Variants in BMPR1A observed in about 807,000 individuals in gnomAD.
The protein encoded by BMPR1A is bone morphogenetic protein receptor type-1A.
Under a neutral mutation model 66.0 loss-of-function variants are expected in BMPR1A, and 7 were observed. The ratio of observed to expected loss-of-function variants is 0.11; its 90% CI spans 0.06 to 0.20. The LOEUF is 0.20. Ranked by LOEUF, BMPR1A falls within the 10% of genes least tolerant of loss-of-function variation. The pLI is 1.00. For missense variants in BMPR1A, 408 were observed against 669.1 expected (o/e 0.61, Z 4.31); for synonymous variants, 200 against 229.7 (o/e 0.87, Z 1.17).
chr10:86,836,916 G>T (rs1842356676), intron 1 of BMPR1A, among the ~76,000 whole-genome samples: 1 of 152,156 alleles, frequency 6.6e-6, no homozygotes, highest in South Asian at 2.1e-4. Context: ...CTGGGTAATG[G>T]AGCCAGAGCC....
intron 1 of BMPR1A, among the ~76,000 whole-genome samples, chr10:86,832,929 G>A (rs1289802061): frequency 6.6e-6 from 1 of 152,100 alleles, no homozygotes; most frequent in Non-Finnish European, 1.5e-5. Flanking sequence ...GGAAATTTTG[G>A]ATCCTGTGAT....
At chr10:86,869,185 G>C (rs965851963) in intron 2 of BMPR1A, among the ~76,000 whole-genome samples, 4 of 152,118 alleles carry the variant, frequency 2.6e-5, no homozygotes, top group African/African-American at 9.7e-5. Flanking sequence ...GGCCAGGCAC[G>C]GTGGCTCACA....
At chr10:86,841,827 C>T (rs1842428319) in intron 2 of BMPR1A, among the ~76,000 whole-genome samples, 1 of 152,094 alleles carries the variant, frequency 6.6e-6, no homozygotes, top group Non-Finnish European at 1.5e-5. Context: ...AGTTGATCAC[C>T]AGTGACCCGT....
At chr10:86,889,348 T>G (rs1162125592) in intron 3 of BMPR1A, among the ~76,000 whole-genome samples, 1 of 152,222 alleles carries the variant, frequency 6.6e-6, no homozygotes, top group African/African-American at 2.4e-5. Flanking sequence ...TTGGTCCCCA[T>G]GCTCTCATGA....
chr10:86,865,641 CAAAAAGAA>C (rs1218519964), intron 2 of BMPR1A, among the ~76,000 whole-genome samples: 1 of 152,070 alleles, frequency 6.6e-6, no homozygotes, highest in Non-Finnish European at 1.5e-5. Flanking sequence ...ATTGAGTTGA[CAAAAAGAA>C]ATTATCTTCC....
At chr10:86,772,410 G>A (rs1379491898) in intron 1 of BMPR1A, among the ~76,000 whole-genome samples, 3 of 152,106 alleles carry the variant, frequency 2.0e-5, no homozygotes. Flanking sequence ...GATTACAGGC[G>A]TGAGCCACCG....
intron 1 of BMPR1A, among the ~76,000 whole-genome samples, chr10:86,770,329 C>T (rs1020577214): frequency 2.0e-5 from 3 of 152,116 alleles, no homozygotes; most frequent in African/African-American, 7.2e-5. Context: ...GGAGGACTGC[C>T]TGAGCCCAGA....
chr10:86,854,495 G>A (rs1203277529), intron 2 of BMPR1A, among the ~76,000 whole-genome samples: 1 of 152,192 alleles, frequency 6.6e-6, no homozygotes, highest in Admixed American at 6.5e-5. Context: ...ACAGGCATAA[G>A]AAATTACAAA....
intron 6 of BMPR1A, 55 bp from the exon 7 acceptor site, chr10:86,899,972 C>A: frequency 2.5e-6 from 4 of 1,609,992 alleles, no homozygotes; most frequent in Non-Finnish European, 2.6e-6. Context: ...TAGAATTGAA[C>A]ACGTCAGATT....
At chr10:86,901,385 A>G (rs1180507488) in intron 7 of BMPR1A, among the ~76,000 whole-genome samples, 1 of 152,234 alleles carries the variant, frequency 6.6e-6, no homozygotes, top group African/African-American at 2.4e-5. Flanking sequence ...ACTTTCTGAA[A>G]ATTGACTTTC....
chr10:86,845,913 C>A (rs1227114538), intron 2 of BMPR1A, among the ~76,000 whole-genome samples: 1 of 151,764 alleles, frequency 6.6e-6, no homozygotes, highest in African/African-American at 2.4e-5. Context: ...AGGAGAATGG[C>A]GTGGACTCGG....
chr10:86,910,912 C>T (rs1005972173), intron 7 of BMPR1A, among the ~76,000 whole-genome samples: 3 of 151,974 alleles, frequency 2.0e-5, no homozygotes, highest in East Asian at 1.9e-4. Flanking sequence ...GGTCTCATCT[C>T]GAACTCCTGT....
At chr10:86,763,815 G>T (rs1316785649) in intron 1 of BMPR1A, among the ~76,000 whole-genome samples, 1 of 126,180 alleles carries the variant, frequency 7.9e-6, no homozygotes. Context: ...TTTTTGAGAC[G>T]GAGTCTCGCT....
intron 2 of BMPR1A, among the ~76,000 whole-genome samples, chr10:86,858,227 T>G (rs552405249): frequency 2.0e-5 from 3 of 152,214 alleles, no homozygotes; most frequent in Non-Finnish European, 4.4e-5. Context: ...CTCAGCAAAC[T>G]AGGAAGGGAA....
At chr10:86,772,096 A>T (rs1274466645) in intron 1 of BMPR1A, among the ~76,000 whole-genome samples, 1 of 145,878 alleles carries the variant, frequency 6.9e-6, no homozygotes, top group Non-Finnish European at 1.5e-5. Context: ...TGAGATGTAT[A>T]CATGTTTAAT....
intron 1 of BMPR1A, among the ~76,000 whole-genome samples, chr10:86,832,901 A>G (rs144333121): frequency 1.5e-3 from 236 of 152,334 alleles, no homozygotes; most frequent in African/African-American, 5.4e-3. Flanking sequence ...GTGTGGGCAC[A>G]TATTTCTCTT....
At chr10:86,901,848 T>C (rs1342413469) in intron 7 of BMPR1A, among the ~76,000 whole-genome samples, 4 of 152,056 alleles carry the variant, frequency 2.6e-5, no homozygotes, top group African/African-American at 9.7e-5. Context: ...AAGGGCACTG[T>C]AATGTATATA....
At chr10:86,893,055 T>TA (rs1334103474) in intron 5 of BMPR1A, among the ~76,000 whole-genome samples, 1 of 152,044 alleles carries the variant, frequency 6.6e-6, no homozygotes, top group Non-Finnish European at 1.5e-5. Context: ...TATTTTACCT[T>TA]AAAAAAAGTT....
chr10:86,776,922 T>A (rs562307342), intron 1 of BMPR1A, among the ~76,000 whole-genome samples: 1 of 152,266 alleles, frequency 6.6e-6, no homozygotes, highest in East Asian at 1.9e-4. Context: ...TATACAATAA[T>A]AACAAAAAAT....
Sources: gnomAD v4.1 joint callset for allele counts (sites outside exome capture counted in the v4.1 genomes callset) on GRCh38, gnomAD v4.1.1 for gene constraint, MANE v1.5 for transcripts, NCBI Gene and HGNC (gene_info 2026-07-23, HGNC 2026-07-21) for gene names.